LSS: variants seen among roughly 807,000 people sequenced by gnomAD.
LSS encodes 2,3-epoxysqualene-lanosterol cyclase.
LSS carries 90 observed loss-of-function variants against 110.3 expected under a neutral mutation model. The ratio of observed to expected loss-of-function variants is 0.82; its 90% CI spans 0.69 to 0.97. The LOEUF (loss-of-function observed/expected upper bound fraction) is 0.97, where lower values mean the gene tolerates loss of function less well. LSS is among the 50% of genes least tolerant of loss of function. The probability of loss-of-function intolerance (pLI) is 0.00; values close to 1 mark genes in which losing one functional copy is unlikely to be tolerated. For missense variants in LSS, 927 were observed against 990.0 expected (o/e 0.94, Z 0.85); for synonymous variants, 433 against 400.0 (o/e 1.08, Z -0.98).
Position 46,206,783 on chromosome 21 carries a change from A to G in LSS, c.1468-15T>C. 1 of 1,601,810 alleles carries G rather than the reference A, an allele frequency of 6.2e-7. No individual in the cohort carries two copies. Among genetic ancestry groups the G allele is most frequent in the Non-Finnish European group, 8.5e-7 (1 of 1,173,722 alleles). On this transcript the variant is annotated splice_polypyrimidine_tract_variant and intron_variant, in intron 15 of 21. Coordinates refer to ENST00000397728, the MANE Select transcript of LSS (RefSeq NM_002340.6). ...ATGTTCAGCAGCTGAAATCACAGAG[A>G]GCACCCTAGAACTCGCCCATGTGCT... is the stretch of plus-strand genomic sequence containing the variant.
chr21:46,220,186 CAA>C (rs1240645351), intron 5 of LSS: 3 of 152,342 alleles, frequency 2.0e-5, no homozygotes, highest in African/African-American at 7.2e-5. Context: ...AAAAGGTATG[CAA>C]AAGTCAATAA....
chr21:46,211,643 A>C (rs1367380966), intron 11 of LSS, among the ~76,000 whole-genome samples: 1 of 152,178 alleles, frequency 6.6e-6, no homozygotes, highest in Non-Finnish European at 1.5e-5. Context: ...AGAGGCATCC[A>C]GACATCGTGC....
In LSS at chr21:46,212,938, G is replaced by T. The variant is rs2080152134; in HGVS notation, c.1137+87C>A. The T allele has an allele frequency of 2.0e-6, 3 of 1,502,968 alleles. No homozygotes were observed. The South Asian group carries it at 3.4e-5, about 17-fold the overall frequency. The allele number at this position is 1,502,968 out of a possible 1,614,324, so 93.1% of individuals were successfully genotyped here. ...ACGCTGCCGGGACCTGGTCCAGGAG[G>T]AGTTATTTCTGAACCCCAAAGGAAA... is the stretch of plus-strand genomic sequence containing the variant. On this transcript the variant is annotated intron_variant, in intron 11 of 21. Coordinates refer to ENST00000397728, the MANE Select transcript of LSS (RefSeq NM_002340.6).
At chr21:46,226,696 A>G (rs913755905) in intron 3 of LSS, among the ~76,000 whole-genome samples, 1 of 152,244 alleles carries the variant, frequency 6.6e-6, no homozygotes, top group African/African-American at 2.4e-5. Context: ...TTAACGTTAA[A>G]GGCCAACTCT....
chr21:46,209,594 G>C lies in LSS; in HGVS notation c.1226C>G (p.Ser409Cys), dbSNP rs781504069. Reference protein sequence around the residue: ...AGGHHRPEFSSCLQKAHEFLR... With the variant: ...AGGHHRPEFSCCLQKAHEFLR... ...GAACTCATGAGCCTTCTGCAGGCAG[G>C]ACGAAAACTCGGGCCTGTGGTGCCC... is the stretch of plus-strand genomic sequence containing the variant. The change falls in exon 13 of 22, where the codon TCC becomes TGC. Residue 409 changes from serine to cysteine, a missense_variant. By Grantham distance (112) the Ser-to-Cys change is moderately radical (BLOSUM62 -1). Coordinates refer to ENST00000397728, the MANE Select transcript of LSS (RefSeq NM_002340.6). This position sits in a 1 kb window ranked among gnomAD's most constrained non-coding sequence, Gnocchi z 4.4. The C allele has an allele frequency of 2.5e-6, 4 of 1,602,756 alleles. No homozygotes were observed. The Admixed American group carries it at 5.1e-5, about 21-fold the overall frequency.
At position 46,208,313 on chromosome 21, in the gene LSS, C is replaced by G. The variant is rs1480306657; in HGVS notation, c.1267-12G>C. On this transcript the variant is annotated splice_polypyrimidine_tract_variant and intron_variant, in intron 13 of 21. Transcript: ENST00000397728. ...GGGTTATCTGGGACCTGGGCAGCATCGAGGGCAAATGTGGAAGCAGAGAAC... is the reference window on the plus strand; with the variant it reads ...GGGTTATCTGGGACCTGGGCAGCATGGAGGGCAAATGTGGAAGCAGAGAAC... The G allele has an allele frequency of 6.4e-7, 1 of 1,552,110 alleles. No individual in the cohort carries two copies. The highest frequency in any genetic ancestry group is 2.0e-5 in the Admixed American group (1 of 51,064).
chr21:46,200,531 GT>G (rs1364705956), intron 17 of LSS, among the ~76,000 whole-genome samples: 3 of 151,266 alleles, frequency 2.0e-5, no homozygotes, highest in African/African-American at 7.3e-5. Flanking sequence ...CAAAAATGTA[GT>G]TTCATAACCT....
At chr21:46,195,559 C>T in intron 19 of LSS, 117 bp downstream of exon 19, 1 of 992,150 alleles carries the variant, frequency 1.0e-6, no homozygotes, top group Non-Finnish European at 1.6e-6. Context: ...GAGACTCCGT[C>T]TCAAAAACAA....
Position 46,196,390 on chromosome 21 carries a change from A to G in LSS, c.1671-123T>C. ...CTCCCTTAAAAACCACATAAAAATA[A>G]ACAGTTTACACAGACCGATGAGGGT... On this transcript the variant is annotated intron_variant, in intron 17 of 21. Transcript: ENST00000397728. The G allele has an allele frequency of 5.0e-6, 4 of 794,094 alleles. No homozygotes were observed. In the Admixed American group the frequency reaches 8.4e-5, roughly 17 times the overall value. The allele number at this position is 794,094 out of a possible 1,614,324, so 49.2% of individuals were successfully genotyped here.
Position 46,205,960 on chromosome 21 carries a change from A to G in LSS, c.1565-19T>C. 6.4e-7 allele frequency: 1 copy of G among 1,568,040 alleles called. No homozygotes were observed. The highest frequency in any genetic ancestry group is 1.8e-5 in the Admixed American group (1 of 56,054). On this transcript the variant is annotated intron_variant, in intron 16 of 21. Transcript: ENST00000397728. ...ATGTCCCCTGGGAAAGGGAGGGAAG[A>G]ACCAAGTGTTGGGTTTCACCCTGGC...
intron 17 of LSS, among the ~76,000 whole-genome samples, chr21:46,204,385 ATTTT>A (rs575518337): frequency 1.3e-5 from 2 of 148,804 alleles, no homozygotes; most frequent in African/African-American, 2.5e-5. Flanking sequence ...AAAGACTAAG[ATTTT>A]TTTTTTTTCA....
chr21:46,200,604 TG>T (rs1297967120), intron 17 of LSS, among the ~76,000 whole-genome samples: 2 of 150,954 alleles, frequency 1.3e-5, no homozygotes, highest in Non-Finnish European at 2.9e-5. Flanking sequence ...AAATAACTTG[TG>T]GAACAATTCA....
Position 46,191,068 on chromosome 21 carries a change from G to T in LSS, c.*36C>A, listed in dbSNP as rs201883427. On this transcript the variant is annotated 3_prime_UTR_variant, in exon 22 of 22. Coordinates refer to ENST00000397728, the MANE Select transcript of LSS (RefSeq NM_002340.6). ...CGGCCAGGACCCCTTGGCCTCACTG[G>T]AACGCACAGACGGCACCCAGCAGGT... 6.2e-7 allele frequency: 1 copy of T among 1,613,020 alleles called. No individual in the cohort carries two copies. The highest frequency in any genetic ancestry group is 1.3e-5 in the African/African-American group (1 of 75,040).
At chr21:46,206,513 G>A (rs1427746012) in intron 16 of LSS, among the ~76,000 whole-genome samples, 159 bp downstream of exon 16, 3 of 152,236 alleles carry the variant, frequency 2.0e-5, no homozygotes, top group Non-Finnish European at 2.9e-5. Context: ...ATGGAGGAGC[G>A]CAGAACAGCC....
Position 46,227,598 on chromosome 21 carries a change from A to C in LSS, c.273T>G (p.Asp91Glu). 1 of 1,613,980 alleles carries C rather than the reference A, an allele frequency of 6.2e-7. No individual in the cohort carries two copies. The highest frequency in any genetic ancestry group is 8.5e-7 in the Non-Finnish European group (1 of 1,180,004). The change falls in exon 3 of 22, where the codon GAT becomes GAG. Residue 91 changes from aspartate to glutamate, a missense_variant. By Grantham distance (45) the Asp-to-Glu change is conservative. Coordinates refer to ENST00000397728, the MANE Select transcript of LSS (RefSeq NM_002340.6). ...MTFYVGLQAE[D>E]GHWTGDYGGP... ...CACCATAATCACCCGTCCAGTGCCC[A>C]TCCTCAGCCTGCAGCCCCACGTAAA...
chr21:46,218,223 T>C (rs1166463464), intron 6 of LSS, among the ~76,000 whole-genome samples: 2 of 152,060 alleles, frequency 1.3e-5, no homozygotes, highest in Admixed American at 1.3e-4. Context: ...AGGGGCTCTG[T>C]GTGGTTCCAG....
At chr21:46,205,553 T>G (rs1421225024) in intron 17 of LSS, among the ~76,000 whole-genome samples, 1 of 152,242 alleles carries the variant, frequency 6.6e-6, no homozygotes, top group African/African-American at 2.4e-5. Flanking sequence ...TAAAAACCGT[T>G]TCTGGGACAC....
At chr21:46,196,488 G>A in intron 17 of LSS, 1 of 553,812 alleles carries the variant, frequency 1.8e-6, no homozygotes, top group Non-Finnish European at 3.2e-6. Context: ...GACGTGAGGG[G>A]AAAGCAAGGC....
At chr21:46,226,513 G>C (rs1422007753) in intron 3 of LSS, among the ~76,000 whole-genome samples, 1 of 152,244 alleles carries the variant, frequency 6.6e-6, no homozygotes, top group Non-Finnish European at 1.5e-5. Context: ...GGTGGCAGCA[G>C]GGCTAGAAGT....
Sources: gnomAD v4.1 joint callset for allele counts (sites outside exome capture counted in the v4.1 genomes callset) on GRCh38, gnomAD v4.1.1 for gene constraint, Gnocchi (gnomAD v3.1) non-coding constraint, MANE v1.5 for transcripts, NCBI Gene and HGNC (gene_info 2026-07-23, HGNC 2026-07-21) for gene names.